The following PDZD2 variants were observed in gnomAD, a reference collection of about 807,000 sequenced individuals.
PDZD2 encodes the protein PDZ domain containing 2, also known as PDZ domain-containing protein 2.
PDZD2 carries 90 observed loss-of-function variants against 220.7 expected under a neutral mutation model. The ratio of observed to expected loss-of-function variants is 0.41; its 90% CI spans 0.34 to 0.49. The LOEUF (loss-of-function observed/expected upper bound fraction) is 0.49, where lower values mean the gene tolerates loss of function less well. Ranked by LOEUF, PDZD2 falls within the 20% of genes least tolerant of loss-of-function variation. PDZD2 has a pLI of 0.28. For synonymous variants in PDZD2, 1,375 were observed against 1,450.5 expected (o/e 0.95, Z 1.18); for missense variants, 3,174 against 3,608.5 (o/e 0.88, Z 3.08).
At chr5:32,028,674 TG>T (rs564214799) in intron 6 of PDZD2, among the ~76,000 whole-genome samples, 57,748 of 130,782 alleles carry the variant, frequency 0.44, 11,836 homozygotes, top group Non-Finnish European at 0.52. Flanking sequence ...TTTTTTTTTT[TG>T]TTTTTTTTGT....
At chr5:31,824,525 G>C (rs1259467733) in intron 2 of PDZD2, among the ~76,000 whole-genome samples, 1 of 152,074 alleles carries the variant, frequency 6.6e-6, no homozygotes, top group Non-Finnish European at 1.5e-5. Context: ...GGCTACACTG[G>C]GAGGAAGGTG....
chr5:32,031,701 C>T (rs1755133012), intron 6 of PDZD2, among the ~76,000 whole-genome samples: 1 of 151,960 alleles, frequency 6.6e-6, no homozygotes, highest in African/African-American at 2.4e-5. Context: ...GGGGAGAAAG[C>T]TTGGGCCTTT....
intron 2 of PDZD2, among the ~76,000 whole-genome samples, chr5:31,831,679 C>T (rs796838946): frequency 1.7e-4 from 26 of 150,110 alleles, no homozygotes; most frequent in African/African-American, 5.6e-4. Flanking sequence ...ACCTGGGAGG[C>T]GGAGGTTGCA....
At chr5:32,082,403 C>T (rs1742063143) in intron 19 of PDZD2, among the ~76,000 whole-genome samples, 1 of 152,004 alleles carries the variant, frequency 6.6e-6, no homozygotes, top group South Asian at 2.1e-4. Context: ...AAAAAAAAAT[C>T]CAAAATGACC....
intron 1 of PDZD2, among the ~76,000 whole-genome samples, chr5:31,689,353 A>ATTTTTTTTTTTTTTTTTT (rs1160111594): frequency 2.8e-5 from 1 of 35,142 alleles, no homozygotes; most frequent in Non-Finnish European, 4.2e-5. Flanking sequence ...ATATATATAT[A>ATTTTTTTTTTTTTTTTTT]TTTTTTTTTT....
chr5:32,100,973 T>C, intron 23 of PDZD2, 132 bp from the exon 24 acceptor site: 4 of 1,600,064 alleles, frequency 2.5e-6, no homozygotes, highest in South Asian at 2.2e-5. Flanking sequence ...AGTAAGTAAG[T>C]GCCCCAGGGT....
At chr5:31,839,628 G>A (rs930336654) in intron 2 of PDZD2, among the ~76,000 whole-genome samples, 9 of 152,140 alleles carry the variant, frequency 5.9e-5, no homozygotes, top group African/African-American at 1.9e-4. Context: ...TGGGCAGATC[G>A]CTTGAGCATT....
intron 2 of PDZD2, among the ~76,000 whole-genome samples, chr5:31,930,620 T>C (rs1014388491): frequency 1.3e-5 from 2 of 152,152 alleles, no homozygotes; most frequent in African/African-American, 4.8e-5. Flanking sequence ...ATTTGAGTGT[T>C]TCAAGCAGAT....
chr5:32,084,353 C>A (rs1742248663), intron 19 of PDZD2, among the ~76,000 whole-genome samples: 1 of 152,252 alleles, frequency 6.6e-6, no homozygotes, highest in African/African-American at 2.4e-5. Flanking sequence ...GAACTCTGAC[C>A]TCAGACACAT....
chr5:32,003,001 CACACACA>C (rs1247194310), intron 5 of PDZD2, among the ~76,000 whole-genome samples: 1 of 137,288 alleles, frequency 7.3e-6, no homozygotes, highest in Non-Finnish European at 1.6e-5. Context: ...CACACACCAA[CACACACA>C]CCACACACCA....
intron 2 of PDZD2, among the ~76,000 whole-genome samples, chr5:31,948,825 G>C (rs965133873): frequency 2.0e-5 from 3 of 152,222 alleles, no homozygotes; most frequent in South Asian, 4.1e-4. Flanking sequence ...TAGGCTGGGT[G>C]TGGTGGCTCA....
chr5:31,896,323 C>CGTGTGTGTGTGT (rs35229609), intron 2 of PDZD2, among the ~76,000 whole-genome samples: 132 of 136,470 alleles, frequency 9.7e-4, no homozygotes, highest in African/African-American at 2.4e-3. Flanking sequence ...TTGATACTCT[C>CGTGTGTGTGTGT]GTGTGTGTGT....
At chr5:31,657,627 C>T (rs760143384) in intron 1 of PDZD2, among the ~76,000 whole-genome samples, 15 of 152,172 alleles carry the variant, frequency 9.9e-5, no homozygotes, top group Admixed American at 6.5e-5. Context: ...AAACCACCTG[C>T]ATTTTTTATG....
In PDZD2 at chr5:32,108,834, C is replaced by T. The variant is rs1745071130; in HGVS notation, c.*699C>T. ...TTATTGATCACCATGAAGTATTGATCATTTTCTATCTCAAAAGTGTAAGCC... is the reference window on the plus strand; with the variant it reads ...TTATTGATCACCATGAAGTATTGATTATTTTCTATCTCAAAAGTGTAAGCC... On this transcript the variant is annotated 3_prime_UTR_variant, in exon 25 of 25. Transcript: ENST00000438447. The T allele has an allele frequency of 6.6e-6, 1 of 152,648 alleles. No individual in the cohort carries two copies. The highest frequency in any genetic ancestry group is 6.5e-5 in the Admixed American group (1 of 15,284). 9.5% of individuals were successfully genotyped at this position (152,648 alleles called of 1,614,324 possible).
At chr5:31,739,509 TAAAAG>T (rs1056344642) in intron 1 of PDZD2, among the ~76,000 whole-genome samples, 55 of 152,020 alleles carry the variant, frequency 3.6e-4, no homozygotes, top group African/African-American at 1.3e-3. Flanking sequence ...ATGTTTAAGA[TAAAAG>T]AAGGGAAGAT....
At chr5:32,014,488 T>C (rs1753571624) in intron 6 of PDZD2, among the ~76,000 whole-genome samples, 1 of 152,086 alleles carries the variant, frequency 6.6e-6, no homozygotes, top group South Asian at 2.1e-4. Flanking sequence ...TTTGCATAAT[T>C]GTCAGTCATC....
chr5:31,814,738 A>G (rs1249432670), intron 2 of PDZD2, among the ~76,000 whole-genome samples: 1 of 152,048 alleles, frequency 6.6e-6, no homozygotes. Context: ...GAATCGCTTG[A>G]ACCTGGGAGT....
At chr5:31,704,628 A>T (rs918248390) in intron 1 of PDZD2, among the ~76,000 whole-genome samples, 39 of 152,302 alleles carry the variant, frequency 2.6e-4, no homozygotes, top group African/African-American at 8.9e-4. Context: ...TTTGCTCTGA[A>T]TTACATGAAA....
At chr5:31,965,318 A>G (rs547327426) in intron 2 of PDZD2, among the ~76,000 whole-genome samples, 1 of 152,330 alleles carries the variant, frequency 6.6e-6, no homozygotes, top group South Asian at 2.1e-4. Context: ...TGATTTGCAT[A>G]GGGCACAGGG....
Sources: allele counts gnomAD v4.1 joint callset (sites outside exome capture counted in the v4.1 genomes callset), GRCh38; gene constraint gnomAD v4.1.1; transcripts MANE v1.5; gene names NCBI Gene and HGNC (gene_info 2026-07-23, HGNC 2026-07-21).